Variants in ABCB1 observed in about 807,000 individuals in gnomAD.
ABCB1 encodes the protein ATP-dependent translocase ABCB1.
A neutral mutation model predicts 142.0 loss-of-function variants in ABCB1; 69 were observed. That is an observed-to-expected ratio of 0.49 (90% CI 0.40 to 0.59). The LOEUF is 0.59. Among genes scored for constraint, ABCB1 ranks in the 20% least tolerant of loss-of-function variants. ABCB1 has a pLI of 0.00. For synonymous variants in ABCB1, 532 were observed against 539.2 expected (o/e 0.99, Z 0.18); for missense variants, 1,326 against 1,554.7 (o/e 0.85, Z 2.47).
At chr7:87,531,174 C>T (rs527812897) in intron 21 of ABCB1, 120 bp downstream of exon 21, 3 of 909,900 alleles carry the variant, frequency 3.3e-6, no homozygotes, top group Admixed American at 3.9e-5. Context: ...AAAAAGATTG[C>T]TTTGAGGAAT....
intron 1 of ABCB1, among the ~76,000 whole-genome samples, chr7:87,624,151 A>C (rs1224969590): frequency 4.6e-5 from 7 of 152,218 alleles, no homozygotes; most frequent in Non-Finnish European, 1.0e-4. Flanking sequence ...GAAAAAATTT[A>C]TATCTATCCA....
At chr7:87,576,430 T>A (rs1410827519) in intron 4 of ABCB1, among the ~76,000 whole-genome samples, 1 of 149,356 alleles carries the variant, frequency 6.7e-6, no homozygotes, top group African/African-American at 2.4e-5. Flanking sequence ...TAAGTATATA[T>A]TATATATAAA....
At chr7:87,607,420 A>G (rs1249617061) in intron 1 of ABCB1, among the ~76,000 whole-genome samples, 1 of 152,190 alleles carries the variant, frequency 6.6e-6, no homozygotes, top group Non-Finnish European at 1.5e-5. Context: ...TATGTGCTCA[A>G]TTCCTCCTTT....
chr7:87,657,131 G>A lies in ABCB1; in HGVS notation c.-331+56030C>T, dbSNP rs554435586. Among the ~76,000 whole-genome samples the A allele has an allele frequency of 6.0e-4, 91 of 152,226 alleles. 1 individual carries two copies. The highest frequency in any genetic ancestry group is 2.2e-3 in the African/African-American group (90 of 41,552). On this transcript the variant is annotated intron_variant, in intron 1 of 28. Coordinates refer to the ABCB1 transcript ENST00000265724. ...CATAAAACAAACATAAGAAGACTCT[G>A]AAAGGTAGCGAGTAGAAGAAAGACT...
At chr7:87,634,960 C>G (rs1386300634) in intron 1 of ABCB1, among the ~76,000 whole-genome samples, 1 of 152,194 alleles carries the variant, frequency 6.6e-6, no homozygotes, top group Non-Finnish European at 1.5e-5. Flanking sequence ...TTTCAGCATT[C>G]ACAAAAGGTC....
At chr7:87,701,975 C>G (rs1003536673) in intron 1 of ABCB1, among the ~76,000 whole-genome samples, 2 of 151,680 alleles carry the variant, frequency 1.3e-5, no homozygotes, top group East Asian at 3.9e-4. Context: ...AACCCCGTCT[C>G]TACTGAAAAT....
intron 18 of ABCB1, 33 bp downstream of exon 18, chr7:87,541,324 C>T (rs752929100): frequency 7.4e-7 from 1 of 1,360,040 alleles, no homozygotes; most frequent in Non-Finnish European, 1.1e-6. Flanking sequence ...ATGCATTTCT[C>T]AAAATGAATA....
At chr7:87,712,045 A>C (rs1583965368) in intron 1 of ABCB1, among the ~76,000 whole-genome samples, 1 of 152,232 alleles carries the variant, frequency 6.6e-6, no homozygotes, top group East Asian at 1.9e-4. Flanking sequence ...CTTTCAACTA[A>C]CTAGCTGGTA....
rs200049706 is a variant in ABCB1 at position 87,550,836 on chromosome 7, T to A, written c.1002A>T (p.Val334=). 8 of 1,592,330 alleles carry A rather than the reference T, an allele frequency of 5.0e-6. No homozygotes were observed. The highest frequency in any genetic ancestry group is 1.7e-4 in the Middle Eastern group (1 of 6,028). The change falls in exon 10 of 28, where the codon GTA becomes GTT. Residue 334 remains valine (V), a splice_region_variant and synonymous_variant. Coordinates refer to ENST00000622132, the MANE Select transcript of ABCB1 (RefSeq NM_001348946.2). Reference sequence around the variant, plus strand: ...AAGCCCCAATTAATACAGAAAAGAATACCTGAGGAATGTGAAGAAAAACCA... The same window carrying A: ...AAGCCCCAATTAATACAGAAAAGAAAACCTGAGGAATGTGAAGAAAAACCA... ...GEYSIGQVLT[V]FFSVLIGAFS... is the part of the protein sequence containing the mutation.
At chr7:87,589,188 AG>A (rs1461122353) in intron 3 of ABCB1, among the ~76,000 whole-genome samples, 1 of 152,200 alleles carries the variant, frequency 6.6e-6, no homozygotes, top group Non-Finnish European at 1.5e-5. Flanking sequence ...AGGAGACTTT[AG>A]GGGAAAAAAA....
chr7:87,670,968 T>A (rs1825770230), intron 1 of ABCB1, among the ~76,000 whole-genome samples: 1 of 151,854 alleles, frequency 6.6e-6, no homozygotes, highest in Non-Finnish European at 1.5e-5. Context: ...TTTGGGGCGA[T>A]CTCAGTGTTT....
intron 3 of ABCB1, among the ~76,000 whole-genome samples, chr7:87,586,393 G>A (rs1157561332): frequency 1.3e-5 from 2 of 152,178 alleles, no homozygotes; most frequent in Non-Finnish European, 2.9e-5. Flanking sequence ...ATGGGCTCAG[G>A]GCCCCCTTGG....
rs1815403062 is a variant in ABCB1 at position 87,519,603 on chromosome 7, C to T, written c.2787-137G>A. ...TCGTTTCCAAAGAACTAAGTTTGGTCCTCACTTTACACTTAACAGTTGTGC... is the reference window on the plus strand; with the variant it reads ...TCGTTTCCAAAGAACTAAGTTTGGTTCTCACTTTACACTTAACAGTTGTGC... On this transcript the variant is annotated intron_variant, in intron 22 of 27. Coordinates refer to ENST00000622132, the MANE Select transcript of ABCB1 (RefSeq NM_001348946.2). 5 of 952,196 alleles carry T rather than the reference C, an allele frequency of 5.3e-6. No individual in the cohort carries two copies. In the South Asian group the frequency reaches 7.0e-5, roughly 13 times the overall value. The allele number at this position is 952,196 out of a possible 1,614,324, so 59.0% of individuals were successfully genotyped here.
At chr7:87,702,240 A>G (rs995738938) in intron 1 of ABCB1, among the ~76,000 whole-genome samples, 2 of 137,432 alleles carry the variant, frequency 1.5e-5, no homozygotes, top group African/African-American at 2.7e-5. Context: ...TGTGTTATTT[A>G]TGTTAACAGG....
intron 1 of ABCB1, among the ~76,000 whole-genome samples, chr7:87,662,736 G>A (rs886919438): frequency 6.6e-6 from 1 of 151,816 alleles, no homozygotes; most frequent in Non-Finnish European, 1.5e-5. Flanking sequence ...GTCTATTCTG[G>A]GTCTTTGTGG....
At chr7:87,711,469 G>T (rs1265089141) in intron 1 of ABCB1, among the ~76,000 whole-genome samples, 2 of 151,908 alleles carry the variant, frequency 1.3e-5, no homozygotes, top group African/African-American at 2.4e-5. Flanking sequence ...GTGAAAAATA[G>T]GACTTTGTTG....
At chr7:87,606,634 G>A (rs1482569765) in intron 1 of ABCB1, among the ~76,000 whole-genome samples, 1 of 151,942 alleles carries the variant, frequency 6.6e-6, no homozygotes, top group Non-Finnish European at 1.5e-5. Flanking sequence ...AATATGCAAG[G>A]ACAAAAGGCA....
At chr7:87,575,340 G>A (rs190043174) in intron 4 of ABCB1, among the ~76,000 whole-genome samples, 261 of 152,234 alleles carry the variant, frequency 1.7e-3, no homozygotes, top group African/African-American at 5.9e-3. Flanking sequence ...TTTTCAAACT[G>A]TCTTCCACAG....
At chr7:87,655,857 C>T (rs1401882900) in intron 1 of ABCB1, among the ~76,000 whole-genome samples, 1 of 152,024 alleles carries the variant, frequency 6.6e-6, no homozygotes, top group African/African-American at 2.4e-5. Context: ...GGGCAGAGCC[C>T]TCATGAGTGG....
Sources: allele counts gnomAD v4.1 joint callset (sites outside exome capture counted in the v4.1 genomes callset), GRCh38; gene constraint gnomAD v4.1.1; transcripts MANE v1.5; gene names NCBI Gene and HGNC (gene_info 2026-07-23, HGNC 2026-07-21).